Variants in VRK2 observed in about 807,000 individuals in gnomAD.
The protein encoded by VRK2 is serine/threonine-protein kinase VRK2.
In VRK2, 60 loss-of-function variants were observed where a neutral mutation model predicts 57.6. The observed-to-expected ratio is 1.04, with a 90% CI of 0.85 to 1.29. The LOEUF (loss-of-function observed/expected upper bound fraction) is 1.29, where lower values mean the gene tolerates loss of function less well. Among genes scored for constraint, VRK2 ranks in the 50% most tolerant of loss-of-function variants. VRK2 has a pLI of 0.00. For synonymous variants in VRK2, 231 were observed against 199.2 expected, an observed-to-expected ratio of 1.16 and a Z score of -1.35; for missense variants, 705 against 588.1, an observed-to-expected ratio of 1.20 and a Z score of -2.06.
chr2:58,124,045 G>C (rs1677936358), intron 8 of VRK2, among the ~76,000 whole-genome samples: 1 of 152,108 alleles, frequency 6.6e-6, no homozygotes. Context: ...GATGGTATTG[G>C]AAACACATTT....
chr2:57,985,422 G>A (rs543917991), intron 1 of VRK2, among the ~76,000 whole-genome samples: 40 of 152,106 alleles, frequency 2.6e-4, no homozygotes, highest in Non-Finnish European at 3.5e-4. Context: ...TCTGAAATTC[G>A]TTAATATTCT....
chr2:58,070,797 C>T lies in VRK2; in HGVS notation c.137-13292C>T, dbSNP rs947008542. ...TTTTATGTGCGGATTTTTGTGTGAA[C>T]ATAGCTTTCAACTCATTTGGGTAAA... On this transcript the variant is annotated intron_variant, in intron 2 of 12. Coordinates refer to ENST00000340157, the MANE Select transcript of VRK2 (RefSeq NM_006296.7). Among the ~76,000 whole-genome samples, 7 of 152,238 alleles carry T rather than the reference C, an allele frequency of 4.6e-5. No homozygotes were observed. In the East Asian group the frequency reaches 5.8e-4, roughly 13 times the overall value.
In VRK2 at chr2:58,068,822, A is replaced by C. The variant is rs57751620; in HGVS notation, c.137-15267A>C. 3.0e-4 allele frequency among the ~76,000 whole-genome samples: 44 copies of C among 147,420 alleles called. No homozygotes were observed. In the East Asian group the frequency reaches 7.2e-3, roughly 24 times the overall value. On this transcript the variant is annotated intron_variant, in intron 2 of 12. Transcript: ENST00000340157. Reference sequence around the variant, plus strand: ...TTGCACCCCCTCAGGAAAAAAAAAAAAAAAAAACAAAAACTCGGTTATGTA... The same window carrying C: ...TTGCACCCCCTCAGGAAAAAAAAAACAAAAAAACAAAAACTCGGTTATGTA...
intron 3 of VRK2, among the ~76,000 whole-genome samples, chr2:58,037,334 C>A (rs1008731710): frequency 3.9e-5 from 6 of 151,992 alleles, no homozygotes; most frequent in African/African-American, 1.5e-4. Flanking sequence ...TTATCAAGTA[C>A]TCAAGATCCT....
At chr2:58,128,338 A>G (rs181490291) in intron 8 of VRK2, among the ~76,000 whole-genome samples, 1 of 151,096 alleles carries the variant, frequency 6.6e-6, no homozygotes, top group East Asian at 1.9e-4. Context: ...AGTAATTATT[A>G]TTTTTTTTTC....
intron 1 of VRK2, among the ~76,000 whole-genome samples, chr2:57,961,723 T>C (rs1201185415): frequency 1.3e-5 from 2 of 150,322 alleles, no homozygotes; most frequent in African/African-American, 4.9e-5. Context: ...TATATCTACT[T>C]GGACACAGAC....
intron 11 of VRK2, among the ~76,000 whole-genome samples, chr2:58,145,300 G>C (rs536603687): frequency 1.3e-5 from 2 of 151,958 alleles, no homozygotes; most frequent in Admixed American, 1.3e-4. Flanking sequence ...CTTAACCTCT[G>C]ATACTGGTAC....
intron 1 of VRK2, among the ~76,000 whole-genome samples, chr2:57,986,595 G>A (rs1044503565): frequency 3.2e-5 from 4 of 126,064 alleles, no homozygotes; most frequent in South Asian, 2.5e-4. Context: ...TAGTTCAATC[G>A]ATTTTTTTTT....
chr2:58,104,659 A>G (rs994590309), intron 7 of VRK2, among the ~76,000 whole-genome samples: 12 of 151,894 alleles, frequency 7.9e-5, no homozygotes, highest in African/African-American at 1.4e-4. Flanking sequence ...ATTCAGTGCA[A>G]TCTCTATCCA....
At chr2:58,123,052 G>A (rs919032554) in intron 7 of VRK2, 49 bp from the exon 8 acceptor site, 1 of 1,557,522 alleles carries the variant, frequency 6.4e-7, no homozygotes. Context: ...TAAAGGTTAT[G>A]TTTTCAGAGG....
chr2:58,152,064 T>A (rs1187832650), intron 12 of VRK2, among the ~76,000 whole-genome samples: 1 of 151,800 alleles, frequency 6.6e-6, no homozygotes, highest in African/African-American at 2.4e-5. Flanking sequence ...TTTAAAAAAT[T>A]CTACTAACCA....
chr2:58,050,803 A>C (rs1055793040), intron 2 of VRK2, among the ~76,000 whole-genome samples: 1 of 152,202 alleles, frequency 6.6e-6, no homozygotes, highest in African/African-American at 2.4e-5. Flanking sequence ...TCAAATGCAG[A>C]AAAATATTTG....
intron 1 of VRK2, among the ~76,000 whole-genome samples, chr2:58,009,928 G>T (rs1474343021): frequency 6.6e-6 from 1 of 151,996 alleles, no homozygotes; most frequent in Non-Finnish European, 1.5e-5. Context: ...CAGGGTGAGT[G>T]TATATTCCAG....
intron 3 of VRK2, among the ~76,000 whole-genome samples, chr2:58,034,469 T>C (rs185235757): frequency 9.7e-4 from 148 of 152,180 alleles, no homozygotes; most frequent in Admixed American, 9.0e-3. Flanking sequence ...CCTCCTATTA[T>C]GGCTCCTAAT....
intron 2 of VRK2, among the ~76,000 whole-genome samples, chr2:58,031,458 C>A (rs1674108081): frequency 6.6e-6 from 1 of 151,896 alleles, no homozygotes; most frequent in African/African-American, 2.4e-5. Context: ...TCCTTTCCCT[C>A]AAGGATAGGC....
intron 12 of VRK2, among the ~76,000 whole-genome samples, chr2:58,157,122 C>G (rs1684003788): frequency 6.6e-6 from 1 of 152,070 alleles, no homozygotes; most frequent in South Asian, 2.1e-4. Context: ...CCTTCCTGAG[C>G]TTTGTTTTAG....
intron 7 of VRK2, among the ~76,000 whole-genome samples, chr2:58,120,068 C>T (rs1478271409): frequency 1.3e-5 from 2 of 151,736 alleles, no homozygotes; most frequent in Admixed American, 6.6e-5. Context: ...AGGTTGCACC[C>T]ATGCATGTTG....
At chr2:58,048,779 T>C in intron 1 of VRK2, 48 bp from the exon 2 acceptor site, 1 of 1,592,446 alleles carries the variant, frequency 6.3e-7, no homozygotes, top group Non-Finnish European at 8.6e-7. Context: ...AGAGTTTTGT[T>C]TGTTTGTTTT....
chr2:58,083,829 G>A (rs984985752), intron 2 of VRK2, among the ~76,000 whole-genome samples: 8 of 151,770 alleles, frequency 5.3e-5, no homozygotes, highest in African/African-American at 1.7e-4. Flanking sequence ...ATGATCAAGT[G>A]TATGGGCTGT....
Sources: allele counts gnomAD v4.1 joint callset (sites outside exome capture counted in the v4.1 genomes callset), GRCh38; gene constraint gnomAD v4.1.1; transcripts MANE v1.5; gene names NCBI Gene and HGNC (gene_info 2026-07-23, HGNC 2026-07-21).